Variants in C17orf67 observed in about 807,000 individuals in gnomAD.
C17orf67 encodes chromosome 17 open reading frame 67.
A neutral mutation model predicts 11.2 loss-of-function variants in C17orf67; 12 were observed. That is an observed-to-expected ratio of 1.07 (90% CI 0.68 to 1.73). The LOEUF is 1.73. C17orf67 is among the 40% of genes most tolerant of loss of function. C17orf67 has a pLI of 0.00. For synonymous variants in C17orf67, 59 were observed against 46.9 expected (o/e 1.26, Z -1.05); for missense variants, 115 against 113.5 (o/e 1.01, Z -0.06).
rs184250604 is a variant in C17orf67, at chr17:56,820,686, C to T, written c.-201+4053G>A. On this transcript the variant is annotated intron_variant, in intron 4 of 7. Coordinates refer to ENST00000397861, the MANE Select transcript of C17orf67 (RefSeq NM_001085430.4). ...ACCTGTTGTGTTAACTATTTGATAACATTTAAAAGCCTATAAAGGAATAAT... is the reference window on the plus strand; with the variant it reads ...ACCTGTTGTGTTAACTATTTGATAATATTTAAAAGCCTATAAAGGAATAAT... Among the ~76,000 whole-genome samples, 149 of 150,042 alleles carry T rather than the reference C, an allele frequency of 9.9e-4. 1 individual carries two copies. Among genetic ancestry groups the T allele is most frequent in the African/African-American group, 3.4e-3 (140 of 40,944 alleles).
intron 5 of C17orf67, among the ~76,000 whole-genome samples, chr17:56,815,214 C>T (rs955332030): frequency 3.9e-5 from 6 of 152,154 alleles, no homozygotes; most frequent in African/African-American, 1.4e-4. Flanking sequence ...TGCAATGGTC[C>T]ATCTCTTTGA....
intron 4 of C17orf67, among the ~76,000 whole-genome samples, chr17:56,818,165 A>G (rs1567798481): frequency 8.5e-6 from 1 of 118,158 alleles, no homozygotes; most frequent in Non-Finnish European, 2.0e-5. Flanking sequence ...TTAAAAAAAA[A>G]AAAAAGAAAA....
rs1352375285 is a variant in C17orf67, at chr17:56,825,174, G to A, written c.-409C>T. On this transcript the variant is annotated 5_prime_UTR_variant, in exon 3 of 8. Transcript: ENST00000397861. ...GACCACAGAATCTATATTTTAAAAT[G>A]ATGCTGATGCAGGTGATTCAAAATC... The A allele has an allele frequency of 6.6e-6, 1 of 152,176 alleles. No individual in the cohort carries two copies. Among genetic ancestry groups the A allele is most frequent in the Non-Finnish European group, 1.5e-5 (1 of 68,038 alleles). 9.4% of individuals were successfully genotyped at this position (152,176 alleles called of 1,614,324 possible).
At chr17:56,792,679 T>A (rs201700005) in intron 7 of C17orf67, among the ~76,000 whole-genome samples, 2 of 64,836 alleles carry the variant, frequency 3.1e-5, no homozygotes, top group Non-Finnish European at 7.5e-5. Context: ...GATGATGGGG[T>A]TGATGGTGAT....
At chr17:56,830,208 G>T (rs1906157263) in intron 2 of C17orf67, among the ~76,000 whole-genome samples, 1 of 152,066 alleles carries the variant, frequency 6.6e-6, no homozygotes, top group Non-Finnish European at 1.5e-5. Flanking sequence ...AGCCGGGCGT[G>T]GTGGCGGGCA....
chr17:56,803,635 T>C (rs926491776), intron 6 of C17orf67, among the ~76,000 whole-genome samples: 1 of 152,234 alleles, frequency 6.6e-6, no homozygotes, highest in African/African-American at 2.4e-5. Context: ...ATAACTGTTC[T>C]TTCCCTATAA....
At chr17:56,829,003 G>C (rs894667601) in intron 2 of C17orf67, among the ~76,000 whole-genome samples, 6 of 152,172 alleles carry the variant, frequency 3.9e-5, no homozygotes, top group African/African-American at 9.7e-5. Context: ...ATCCCAGCGG[G>C]GCACAGCTGC....
rs1213847701 is a variant in C17orf67 at position 56,833,325 on chromosome 17, T to G, written c.-984A>C. On this transcript the variant is annotated 5_prime_UTR_variant, in exon 2 of 8. The change abolishes an upstream ATG in the 5' untranslated region. Coordinates refer to ENST00000397861, the MANE Select transcript of C17orf67 (RefSeq NM_001085430.4). ...GTAGGACTCCAGCGGGGAGCGAGCA[T>G]TCCTCCGGAACCTGGGGCTGGACGA... The G allele has an allele frequency of 6.5e-6, 1 of 154,484 alleles. No individual in the cohort carries two copies. Among genetic ancestry groups the G allele is most frequent in the Non-Finnish European group, 1.4e-5 (1 of 69,116 alleles). The allele number at this position is 154,484 out of a possible 1,614,324, so 9.6% of individuals were successfully genotyped here.
intron 4 of C17orf67, among the ~76,000 whole-genome samples, chr17:56,824,303 T>C (rs1447615469): frequency 6.6e-6 from 1 of 152,256 alleles, no homozygotes; most frequent in Non-Finnish European, 1.5e-5. Flanking sequence ...GTTCATGTTA[T>C]GACACAGAGC....
chr17:56,809,646 C>G (rs1052031809), intron 6 of C17orf67, among the ~76,000 whole-genome samples: 1 of 142,176 alleles, frequency 7.0e-6, no homozygotes, highest in African/African-American at 2.6e-5. Context: ...CCCTCACACA[C>G]AGACCCCTCA....
chr17:56,802,327 A>T (rs1213656175), intron 6 of C17orf67, among the ~76,000 whole-genome samples: 1 of 152,142 alleles, frequency 6.6e-6, no homozygotes, highest in African/African-American at 2.4e-5. Flanking sequence ...CAGCCACACC[A>T]AGCATAAATA....
chr17:56,814,929 G>A lies in C17orf67; in HGVS notation c.96C>T (p.Leu32=), dbSNP rs1211313964. The change falls in exon 6 of 8, where the codon CTC becomes CTT. Residue 32 remains leucine (L), a synonymous_variant. Transcript: ENST00000397861. ...PILTEKQAKQ[L]LRSRRQDRPS... is the part of the protein sequence containing the mutation. ...GTCTATCCTGTCGCCGAGATCTTAG[G>A]AGCTGTTTGGCCTGCTTCTCTGTCA... is the stretch of plus-strand genomic sequence containing the variant. The A allele has an allele frequency of 1.2e-6, 2 of 1,614,120 alleles. No individual in the cohort carries two copies. The highest frequency in any genetic ancestry group is 1.1e-5 in the South Asian group (1 of 91,068).
chr17:56,805,270 G>C (rs1905417849), intron 6 of C17orf67, among the ~76,000 whole-genome samples: 1 of 152,172 alleles, frequency 6.6e-6, no homozygotes, highest in African/African-American at 2.4e-5. Context: ...AGGTAAACAA[G>C]AGCAGAAGAT....
intron 4 of C17orf67, among the ~76,000 whole-genome samples, chr17:56,816,877 T>TG (rs1952088045): frequency 1.3e-5 from 2 of 152,190 alleles, no homozygotes; most frequent in South Asian, 4.1e-4. Context: ...GGTTTTGAGA[T>TG]GGGGGTCTCA....
At chr17:56,817,964 C>A (rs1905800788) in intron 4 of C17orf67, among the ~76,000 whole-genome samples, 1 of 151,812 alleles carries the variant, frequency 6.6e-6, no homozygotes, top group Non-Finnish European at 1.5e-5. Context: ...CTACCTCAGC[C>A]TCACTAGTAG....
intron 6 of C17orf67, among the ~76,000 whole-genome samples, chr17:56,799,189 T>G (rs886669402): frequency 6.6e-6 from 1 of 152,196 alleles, no homozygotes; most frequent in African/African-American, 2.4e-5. Flanking sequence ...CATTGCAATA[T>G]CACACGGAAC....
At chr17:56,795,426 C>A (rs1039464546) in intron 6 of C17orf67, 3 of 510,986 alleles carry the variant, frequency 5.9e-6, no homozygotes, top group African/African-American at 1.9e-5. Flanking sequence ...AAACATGGGA[C>A]AACAACTTCA....
chr17:56,831,098 G>T (rs1906187326), intron 2 of C17orf67, among the ~76,000 whole-genome samples: 1 of 152,146 alleles, frequency 6.6e-6, no homozygotes, highest in African/African-American at 2.4e-5. Context: ...CAATATAAAA[G>T]TTCAGAGGCA....
chr17:56,829,649 T>G (rs753321132), intron 2 of C17orf67, among the ~76,000 whole-genome samples: 4 of 152,206 alleles, frequency 2.6e-5, no homozygotes, highest in African/African-American at 4.8e-5. Flanking sequence ...CCTTTTTGTG[T>G]TGAAGTTTCC....
Sources: allele counts gnomAD v4.1 joint callset (sites outside exome capture counted in the v4.1 genomes callset), GRCh38; gene constraint gnomAD v4.1.1; transcripts MANE v1.5; gene names NCBI Gene and HGNC (gene_info 2026-07-23, HGNC 2026-07-21).